CTNNA3: variants seen among roughly 807,000 people sequenced by gnomAD.
CTNNA3 encodes catenin alpha 3.
A neutral mutation model predicts 95.7 loss-of-function variants in CTNNA3; 76 were observed. The observed-to-expected ratio is 0.79, with a 90% CI of 0.66 to 0.96. The LOEUF is 0.96. Ranked by LOEUF, CTNNA3 falls within the 40% of genes least tolerant of loss-of-function variation. CTNNA3 has a pLI of 0.00. For synonymous variants in CTNNA3, 431 were observed against 374.4 expected, an observed-to-expected ratio of 1.15 and a Z score of -1.74; for missense variants, 1,191 against 1,089.8, an observed-to-expected ratio of 1.09 and a Z score of -1.31.
intron 5 of CTNNA3, among the ~76,000 whole-genome samples, chr10:67,333,650 A>G (rs979268493): frequency 7.9e-5 from 12 of 152,184 alleles, no homozygotes; most frequent in African/African-American, 2.9e-4. Context: ...TACCCATGCT[A>G]TTTTGTTGGC....
At chr10:66,242,602 G>C (rs1276308949) in intron 13 of CTNNA3, among the ~76,000 whole-genome samples, 1 of 152,176 alleles carries the variant, frequency 6.6e-6, no homozygotes, top group African/African-American at 2.4e-5. Flanking sequence ...ACACTTATAA[G>C]AGTGAGTAAA....
intron 7 of CTNNA3, among the ~76,000 whole-genome samples, chr10:66,860,626 T>C (rs1298166141): frequency 6.6e-6 from 1 of 152,200 alleles, no homozygotes. Context: ...TAAGCGGCCC[T>C]CACCTTTTTA....
intron 1 of CTNNA3, chr10:67,751,023 G>A: frequency 4.5e-6 from 7 of 1,546,652 alleles, no homozygotes; most frequent in Non-Finnish European, 5.4e-6. Flanking sequence ...CACAGCCCAG[G>A]TTCTGATCCA....
intron 9 of CTNNA3, among the ~76,000 whole-genome samples, chr10:66,741,495 C>T (rs568128380): frequency 4.5e-4 from 68 of 152,242 alleles, no homozygotes; most frequent in African/African-American, 1.1e-3. Context: ...TCTAAACTGA[C>T]GGCTGGGAAA....
chr10:66,691,428 G>A (rs1329293629), intron 9 of CTNNA3, among the ~76,000 whole-genome samples: 1 of 152,196 alleles, frequency 6.6e-6, no homozygotes, highest in East Asian at 1.9e-4. Flanking sequence ...CCATTGCCCA[G>A]GCTTGCTTAG....
intron 10 of CTNNA3, among the ~76,000 whole-genome samples, chr10:66,547,612 G>A (rs575247967): frequency 2.6e-5 from 4 of 151,834 alleles, no homozygotes; most frequent in African/African-American, 9.6e-5. Context: ...AAAGTGCTGG[G>A]ATTACAGGCA....
chr10:66,833,792 G>A (rs925718577), intron 7 of CTNNA3, among the ~76,000 whole-genome samples: 1 of 152,038 alleles, frequency 6.6e-6, no homozygotes, highest in African/African-American at 2.4e-5. Context: ...GGAGAGAAAG[G>A]CTCCTCTTCC....
At chr10:67,288,287 C>A (rs1185298968) in intron 5 of CTNNA3, among the ~76,000 whole-genome samples, 5 of 152,126 alleles carry the variant, frequency 3.3e-5, no homozygotes, top group African/African-American at 4.8e-5. Flanking sequence ...GTCTTTGAGT[C>A]CCAACAACAG....
At chr10:66,520,366 C>T (rs1234814262) in intron 11 of CTNNA3, among the ~76,000 whole-genome samples, 1 of 149,424 alleles carries the variant, frequency 6.7e-6, no homozygotes, top group African/African-American at 2.5e-5. Context: ...ATTCTCCTGC[C>T]TCAGCCTCCT....
intron 5 of CTNNA3, among the ~76,000 whole-genome samples, chr10:67,270,605 G>A (rs1838930446): frequency 6.6e-6 from 1 of 152,098 alleles, no homozygotes; most frequent in African/African-American, 2.4e-5. Flanking sequence ...GCTTCCTAAA[G>A]AATAATACAA....
intron 7 of CTNNA3, among the ~76,000 whole-genome samples, chr10:66,829,470 G>A (rs553595701): frequency 1.3e-5 from 2 of 151,818 alleles, no homozygotes; most frequent in South Asian, 4.2e-4. Context: ...AAAATTAGCC[G>A]GCCATGGTGG....
chr10:66,560,708 A>T (rs1466990346), intron 10 of CTNNA3, among the ~76,000 whole-genome samples: 2 of 151,992 alleles, frequency 1.3e-5, no homozygotes, highest in Non-Finnish European at 2.9e-5. Flanking sequence ...TGTCCTCCAA[A>T]ATTCATACGT....
intron 10 of CTNNA3, among the ~76,000 whole-genome samples, chr10:66,618,506 T>G (rs1283131908): frequency 6.6e-6 from 1 of 152,264 alleles, no homozygotes; most frequent in African/African-American, 2.4e-5. Context: ...AGGCTAGCCA[T>G]AGGTAGAAAG....
intron 7 of CTNNA3, among the ~76,000 whole-genome samples, chr10:66,857,295 G>C (rs576058663): frequency 5.3e-5 from 8 of 151,898 alleles, no homozygotes; most frequent in African/African-American, 1.9e-4. Context: ...TGCTGTTTAG[G>C]TTACTGCAGC....
At chr10:66,792,080 G>T (rs952145933) in intron 7 of CTNNA3, among the ~76,000 whole-genome samples, 1 of 152,094 alleles carries the variant, frequency 6.6e-6, no homozygotes, top group Non-Finnish European at 1.5e-5. Context: ...TCATTTGCAT[G>T]AATAGCTTTA....
At chr10:66,849,878 T>C (rs1026126035) in intron 7 of CTNNA3, among the ~76,000 whole-genome samples, 1 of 150,646 alleles carries the variant, frequency 6.6e-6, no homozygotes, top group Non-Finnish European at 1.5e-5. Flanking sequence ...ATTTATTGAA[T>C]GTAGATTTTG....
chr10:66,793,506 C>T (rs907822800), intron 7 of CTNNA3, among the ~76,000 whole-genome samples: 1 of 152,054 alleles, frequency 6.6e-6, no homozygotes, highest in African/African-American at 2.4e-5. Context: ...GTAAACTTGT[C>T]TAAATAATAT....
intron 11 of CTNNA3, among the ~76,000 whole-genome samples, chr10:66,405,934 T>C (rs1472965415): frequency 1.3e-5 from 2 of 152,208 alleles, no homozygotes; most frequent in African/African-American, 4.8e-5. Flanking sequence ...AATAGTCATA[T>C]TTTGAAAGCA....
At chr10:66,769,840 C>G (rs1408883040) in intron 8 of CTNNA3, among the ~76,000 whole-genome samples, 1 of 152,158 alleles carries the variant, frequency 6.6e-6, no homozygotes, top group Non-Finnish European at 1.5e-5. Context: ...ATCTCAATAG[C>G]ATATCATTTC....
Sources: allele counts gnomAD v4.1 joint callset (sites outside exome capture counted in the v4.1 genomes callset), GRCh38; gene constraint gnomAD v4.1.1; transcripts MANE v1.5; gene names NCBI Gene and HGNC (gene_info 2026-07-23, HGNC 2026-07-21).